Variants in DRAM1 observed in about 807,000 individuals in gnomAD.
DRAM1 encodes DNA damage-regulated autophagy modulator protein 1.
Under a neutral mutation model 28.5 loss-of-function variants are expected in DRAM1, and 25 were observed. The observed-to-expected ratio is 0.88, with a 90% CI of 0.64 to 1.23. The LOEUF is 1.23. Ranked by LOEUF, DRAM1 falls within the 50% of genes most tolerant of loss-of-function variation. The pLI, the probability that DRAM1 is intolerant of heterozygous loss-of-function variation, is 0.00. For synonymous variants in DRAM1, 113 were observed against 114.2 expected, an observed-to-expected ratio of 0.99 and a Z score of 0.07; for missense variants, 249 against 299.2, an observed-to-expected ratio of 0.83 and a Z score of 1.24.
chr12:101,884,235 A>G (rs1872796229), intron 1 of DRAM1, among the ~76,000 whole-genome samples: 1 of 151,056 alleles, frequency 6.6e-6, no homozygotes, highest in African/African-American at 2.4e-5. Flanking sequence ...AATACATACA[A>G]AAAATTAGCT....
Position 101,895,186 on chromosome 12 carries a change from G to GTTTGTTTT in DRAM1, c.132-2674_132-2673insGTTTTTTT, listed in dbSNP as rs1372490429. 1.1e-4 allele frequency among the ~76,000 whole-genome samples: 8 copies of GTTTGTTTT among 75,718 alleles called. 1 individual carries two copies. The highest frequency in any genetic ancestry group is 4.4e-4 in the African/African-American group (8 of 18,064). 49.7% of individuals were successfully genotyped at this position (75,718 alleles called of 152,430 possible). ...TAATGCTAAATTCGAAACCCTTCAG[G>GTTTGTTTT]TTTTTTTTTTTTTTTTTTTTTTTTT... On this transcript the variant is annotated intron_variant, in intron 1 of 6. Coordinates refer to ENST00000258534, the MANE Select transcript of DRAM1 (RefSeq NM_018370.3).
chr12:101,883,424 C>T (rs189631690), intron 1 of DRAM1, among the ~76,000 whole-genome samples: 27 of 150,924 alleles, frequency 1.8e-4, no homozygotes, highest in African/African-American at 5.8e-4. Flanking sequence ...AAGCGATTCT[C>T]CTGCCTCAGC....
rs527311210 is a variant in DRAM1, at chr12:101,907,086, T to C, written c.343-1100T>C. On this transcript the variant is annotated intron_variant, in intron 3 of 6. Coordinates refer to ENST00000258534, the MANE Select transcript of DRAM1 (RefSeq NM_018370.3). ...TGGGTGTGGTGGCATGTGCCTGTAGTCCCAGCTACTTGCTGGGCTGGGAGG... is the reference window on the plus strand; with the variant it reads ...TGGGTGTGGTGGCATGTGCCTGTAGCCCCAGCTACTTGCTGGGCTGGGAGG... Among the ~76,000 whole-genome samples the C allele has an allele frequency of 5.3e-5, 8 of 149,792 alleles. No individual in the cohort carries two copies. The South Asian group carries it at 1.5e-3, about 28-fold the overall frequency.
chr12:101,912,632 A>G (rs939584234), intron 4 of DRAM1, among the ~76,000 whole-genome samples: 4 of 152,208 alleles, frequency 2.6e-5, no homozygotes, highest in Non-Finnish European at 5.9e-5. Context: ...TTTGAGAATC[A>G]GAAGCATTAA....
chr12:101,883,473 C>G (rs1872763082), intron 1 of DRAM1, among the ~76,000 whole-genome samples: 1 of 151,614 alleles, frequency 6.6e-6, no homozygotes, highest in African/African-American at 2.4e-5. Flanking sequence ...GCCACCACAC[C>G]TGGCTAATTT....
At chr12:101,917,217 A>G (rs576684646) in intron 5 of DRAM1, among the ~76,000 whole-genome samples, 25 of 152,318 alleles carry the variant, frequency 1.6e-4, no homozygotes, top group African/African-American at 6.0e-4. Flanking sequence ...TATCAACCAA[A>G]TGTTTATTGA....
chr12:101,908,188 G>A lies in DRAM1; in HGVS notation c.345G>A (p.Glu115=). 1 of 1,605,326 alleles carries A rather than the reference G, an allele frequency of 6.2e-7. No individual in the cohort carries two copies. Among genetic ancestry groups the A allele is most frequent in the Non-Finnish European group, 8.5e-7 (1 of 1,177,124 alleles). ...FGMGIVANFQ[E]LAVPVVHDGG... The stretch of plus-strand genomic sequence containing the variant: ...CACATTTATGACTTTTTCTCCAGGA[G>A]TTAGCTGTGCCAGTGGTTCATGACG... The change falls in exon 4 of 7, where the codon GAG becomes GAA. Residue 115 remains glutamate, a splice_region_variant and synonymous_variant. Transcript: ENST00000258534.
intron 4 of DRAM1, among the ~76,000 whole-genome samples, chr12:101,909,736 C>CT (rs1250789327): frequency 6.6e-6 from 1 of 152,100 alleles, no homozygotes; most frequent in Non-Finnish European, 1.5e-5. Context: ...ATTTAGCGTG[C>CT]TTGTAGATTC....
At chr12:101,897,062 C>T (rs1323468818) in intron 1 of DRAM1, among the ~76,000 whole-genome samples, 2 of 152,148 alleles carry the variant, frequency 1.3e-5, no homozygotes, top group Non-Finnish European at 2.9e-5. Flanking sequence ...GCTGGGATTA[C>T]AGGCGTGAGC....
intron 5 of DRAM1, among the ~76,000 whole-genome samples, chr12:101,915,487 T>G (rs1450575157): frequency 6.6e-6 from 1 of 151,460 alleles, no homozygotes; most frequent in Non-Finnish European, 1.5e-5. Context: ...GTAGTGGCTG[T>G]AAGAGGCAGG....
At position 101,877,680 on chromosome 12, in the gene DRAM1, T is replaced by A; in HGVS notation, c.-110T>A. 1 of 816,452 alleles carries A rather than the reference T, an allele frequency of 1.2e-6. No individual in the cohort carries two copies. Among genetic ancestry groups the A allele is most frequent in the Non-Finnish European group, 1.6e-6 (1 of 618,406 alleles). 50.6% of individuals were successfully genotyped at this position (816,452 alleles called of 1,614,324 possible). On this transcript the variant is annotated 5_prime_UTR_variant, in exon 1 of 7. Transcript: ENST00000258534. This position sits in a 1 kb window ranked among gnomAD's most constrained non-coding sequence, Gnocchi z 4.1. ...GCCCCGGCCGTCGCGGAGCCTCCCC[T>A]CCCACCGTCCGTGAGTGTACGCGCC... is the stretch of plus-strand genomic sequence containing the variant.
chr12:101,879,426 G>T (rs879472567), intron 1 of DRAM1, among the ~76,000 whole-genome samples: 1 of 152,142 alleles, frequency 6.6e-6, no homozygotes, highest in Non-Finnish European at 1.5e-5. Context: ...TGGCCTTTCG[G>T]TTTTTTCCAT....
At chr12:101,897,210 T>G in intron 1 of DRAM1, among the ~76,000 whole-genome samples, 1 of 152,068 alleles carries the variant, frequency 6.6e-6, no homozygotes. Flanking sequence ...TATTTTTATT[T>G]TTTTTTTGAG....
At chr12:101,906,854 C>CAAAAAAAAAAAAAAA (rs751751554) in intron 3 of DRAM1, among the ~76,000 whole-genome samples, 5 of 67,476 alleles carry the variant, frequency 7.4e-5, no homozygotes, top group East Asian at 4.8e-4. Flanking sequence ...GACTCTGCCT[C>CAAAAAAAAAAAAAAA]AAAAAAAAAA....
intron 6 of DRAM1, 31 bp downstream of exon 6, chr12:101,920,232 T>C (rs199592579): frequency 1.9e-5 from 28 of 1,498,626 alleles, no homozygotes; most frequent in Non-Finnish European, 2.6e-5. Context: ...ATGTTTTAAA[T>C]TGCGGACAAT....
Position 101,877,855 on chromosome 12 carries a change from CTTCA to C in DRAM1, c.69_72del (p.Phe23LeufsTer36). 1 of 1,547,672 alleles carries C rather than the reference CTTCA, an allele frequency of 6.5e-7. No homozygotes were observed. The highest frequency in any genetic ancestry group is 8.7e-7 in the Non-Finnish European group (1 of 1,144,870). On this transcript the variant is annotated frameshift_variant, in exon 1 of 7. Transcript: ENST00000258534. LOFTEE classifies it high-confidence loss of function. This position sits in a 1 kb window ranked among gnomAD's most constrained non-coding sequence, Gnocchi z 4.1. The stretch of plus-strand genomic sequence containing the variant: ...TCTTGGTGACCTGGTCGTCAGCCGC[CTTCA>C]TTATCTCCTACGTGGTCGCCGTGCT...
chr12:101,897,827 C>A, intron 1 of DRAM1, 36 bp from the exon 2 acceptor site: 12 of 1,509,032 alleles, frequency 8.0e-6, no homozygotes, highest in Non-Finnish European at 1.1e-5. Flanking sequence ...GACAGAATTT[C>A]TTTCTAATAA....
chr12:101,909,939 G>A (rs561082204), intron 4 of DRAM1, among the ~76,000 whole-genome samples: 1 of 152,182 alleles, frequency 6.6e-6, no homozygotes, highest in African/African-American at 2.4e-5. Flanking sequence ...AGGAAAATCG[G>A]AACTATGTTA....
At chr12:101,907,516 G>A (rs61936569) in intron 3 of DRAM1, among the ~76,000 whole-genome samples, 13,361 of 152,124 alleles carry the variant, frequency 0.088, 711 homozygotes, top group Middle Eastern at 0.18. Flanking sequence ...CGAGGTGGAC[G>A]GATCACGAGA....
Sources: gnomAD v4.1 joint callset for allele counts (sites outside exome capture counted in the v4.1 genomes callset) on GRCh38, gnomAD v4.1.1 for gene constraint, Gnocchi (gnomAD v3.1) non-coding constraint, MANE v1.5 for transcripts, NCBI Gene and HGNC (gene_info 2026-07-23, HGNC 2026-07-21) for gene names.